The following MBOAT2 variants were observed in gnomAD, a reference collection of about 807,000 sequenced individuals.
MBOAT2 encodes membrane-bound glycerophospholipid O-acyltransferase 2.
MBOAT2 carries 28 observed loss-of-function variants against 63.4 expected under a neutral mutation model. The ratio of observed to expected loss-of-function variants is 0.44; its 90% CI spans 0.33 to 0.61. The LOEUF (loss-of-function observed/expected upper bound fraction) is 0.61. MBOAT2 is among the 20% of genes least tolerant of loss of function. The pLI is 0.03. For synonymous variants in MBOAT2, 211 were observed against 215.6 expected (o/e 0.98, Z 0.19); for missense variants, 470 against 605.8 (o/e 0.78, Z 2.35).
At chr2:8,968,875 T>C (rs1442514280) in intron 1 of MBOAT2, among the ~76,000 whole-genome samples, 2 of 152,056 alleles carry the variant, frequency 1.3e-5, no homozygotes, top group African/African-American at 4.8e-5. Context: ...AATATGGGAC[T>C]ATGTGAAAAG....
At chr2:8,960,775 CAA>C (rs1301466799) in intron 1 of MBOAT2, among the ~76,000 whole-genome samples, 1 of 152,122 alleles carries the variant, frequency 6.6e-6, no homozygotes, top group Non-Finnish European at 1.5e-5. Flanking sequence ...GACACTGAAT[CAA>C]AGTCTTTGGG....
chr2:8,873,255 A>G lies in MBOAT2; in HGVS notation c.736T>C (p.Phe246Leu). ...KLLVCGLSLL[F>L]HLTICTTLPV... ...AATGTTGTACAGATGGTCAAGTGAA[A>G]TAACAAGGACAGCCCACAAACTAAG... The change falls in exon 8 of 13, where the codon TTT becomes CTT. Residue 246 changes from phenylalanine (F) to leucine (L), a missense_variant. Phe to Leu is a conservative substitution (Grantham distance 22). Around this residue, in one of 3 missense-constraint regions of MBOAT2, gnomAD observed 376 missense variants for 503.8 expected, o/e 0.75. Coordinates refer to ENST00000305997, the MANE Select transcript of MBOAT2 (RefSeq NM_138799.4). 6.2e-7 allele frequency: 1 copy of G among 1,614,220 alleles called. No homozygotes were observed.
intron 3 of MBOAT2, among the ~76,000 whole-genome samples, chr2:8,920,328 T>C (rs1386693302): frequency 1.3e-5 from 2 of 152,228 alleles, no homozygotes; most frequent in African/African-American, 4.8e-5. Flanking sequence ...TTGGCACTTT[T>C]GTCAAAAATC....
chr2:8,963,011 G>C (rs1329494999), intron 1 of MBOAT2, among the ~76,000 whole-genome samples: 1 of 152,118 alleles, frequency 6.6e-6, no homozygotes, highest in Non-Finnish European at 1.5e-5. Context: ...GGGAGGCCAA[G>C]ACAGGAAGAT....
intron 3 of MBOAT2, among the ~76,000 whole-genome samples, chr2:8,917,045 A>G (rs1467373177): frequency 1.3e-5 from 2 of 152,250 alleles, no homozygotes; most frequent in African/African-American, 2.4e-5. Context: ...AGTATTTGCA[A>G]CAAATAGTGC....
At chr2:8,885,931 T>G (rs549408105) in intron 5 of MBOAT2, among the ~76,000 whole-genome samples, 1 of 152,324 alleles carries the variant, frequency 6.6e-6, no homozygotes, top group Admixed American at 6.5e-5. Context: ...AATGCTATCC[T>G]TAGAAAGGCC....
At chr2:8,991,123 T>G (rs1671894005) in intron 1 of MBOAT2, among the ~76,000 whole-genome samples, 1 of 152,098 alleles carries the variant, frequency 6.6e-6, no homozygotes, top group Non-Finnish European at 1.5e-5. Flanking sequence ...CACTACAGAT[T>G]AAACCTAAAC....
chr2:8,987,147 C>T (rs1671627089), intron 1 of MBOAT2, among the ~76,000 whole-genome samples: 1 of 152,164 alleles, frequency 6.6e-6, no homozygotes, highest in African/African-American at 2.4e-5. Context: ...AGAGGAAAAA[C>T]CGGATGTGGG....
chr2:8,911,487 T>C (rs1665702857), intron 3 of MBOAT2, among the ~76,000 whole-genome samples: 1 of 152,192 alleles, frequency 6.6e-6, no homozygotes, highest in Non-Finnish European at 1.5e-5. Context: ...GGTTGGGATG[T>C]TCGTCTCCTC....
chr2:8,884,061 A>T (rs1228041448), intron 5 of MBOAT2, among the ~76,000 whole-genome samples: 3 of 129,806 alleles, frequency 2.3e-5, no homozygotes, highest in South Asian at 2.4e-4. Context: ...TGTCTTTACT[A>T]AAAAAAAAAA....
At position 8,858,848 on chromosome 2, in the gene MBOAT2, A is replaced by G. The variant is rs753475039; in HGVS notation, c.1394T>C (p.Val465Ala). The change falls in exon 13 of 13, where the codon GTG becomes GCG. Residue 465 changes from valine to alanine, a missense_variant. Val to Ala is a moderately conservative substitution (Grantham distance 64). Transcript: ENST00000305997. ...LGILVLLLLP[V>A]KKTQRRKNTH... ...ATTCTTTCTTCTTTGAGTTTTTTTCACTGGCAACAACAATAATACTAAGAT... is the reference window on the plus strand; with the variant it reads ...ATTCTTTCTTCTTTGAGTTTTTTTCGCTGGCAACAACAATAATACTAAGAT... 6.2e-6 allele frequency: 10 copies of G among 1,613,596 alleles called. No homozygotes were observed. In the African/African-American group the frequency reaches 1.3e-4, roughly 22 times the overall value.
intron 4 of MBOAT2, among the ~76,000 whole-genome samples, chr2:8,903,255 C>T (rs2148579665): frequency 6.6e-6 from 1 of 152,326 alleles, no homozygotes; most frequent in East Asian, 1.9e-4. Flanking sequence ...CTCTCAAGAT[C>T]ACATGGTCTA....
intron 3 of MBOAT2, among the ~76,000 whole-genome samples, chr2:8,924,706 CTTTT>C (rs752934933): frequency 2.2e-5 from 3 of 139,418 alleles, no homozygotes; most frequent in African/African-American, 7.8e-5. Context: ...GGTTCAGCTG[CTTTT>C]TTTTTTTTTT....
chr2:9,002,718 A>T (rs889063980), intron 1 of MBOAT2, among the ~76,000 whole-genome samples: 1 of 151,270 alleles, frequency 6.6e-6, no homozygotes, highest in Non-Finnish European at 1.5e-5. Flanking sequence ...TTTTCCCATC[A>T]CAATGCTGTT....
At chr2:8,944,161 C>A (rs1668250222) in intron 2 of MBOAT2, among the ~76,000 whole-genome samples, 1 of 152,174 alleles carries the variant, frequency 6.6e-6, no homozygotes, top group South Asian at 2.1e-4. Flanking sequence ...CCGTGGCCAG[C>A]CCATGACATG....
At position 8,858,776 on chromosome 2, in the gene MBOAT2, C is replaced by T. The variant is rs146784263; in HGVS notation, c.1466G>A (p.Gly489Glu). The change falls in exon 13 of 13, where the codon GGA becomes GAA. Residue 489 changes from glycine to glutamate, a missense_variant. Around this residue, in one of 3 missense-constraint regions of MBOAT2, gnomAD observed 90 missense variants for 84.9 expected, o/e 1.06. Coordinates refer to ENST00000305997, the MANE Select transcript of MBOAT2 (RefSeq NM_138799.4). ...ACTGTTCTGTCCCAAAGAATTTTCTCCTTCATCAAACTTTTTGGATTGTGA... is the reference window on the plus strand; with the variant it reads ...ACTGTTCTGTCCCAAAGAATTTTCTTCTTCATCAAACTTTTTGGATTGTGA... ...QLSQSKKFDE[G>E]ENSLGQNSFS... 735 of 1,614,076 alleles carry T rather than the reference C, an allele frequency of 4.6e-4. 7 individuals are homozygous for T. In the South Asian group the frequency reaches 5.6e-3, roughly 12 times the overall value.
chr2:8,904,292 T>C (rs1434288009), intron 4 of MBOAT2, among the ~76,000 whole-genome samples: 1 of 151,084 alleles, frequency 6.6e-6, no homozygotes, highest in Non-Finnish European at 1.5e-5. Flanking sequence ...ATCTTTATAA[T>C]ACTGAAGGTT....
chr2:8,923,484 C>A (rs751751194), intron 3 of MBOAT2, among the ~76,000 whole-genome samples: 4 of 152,146 alleles, frequency 2.6e-5, no homozygotes, highest in Admixed American at 6.5e-5. Flanking sequence ...GTTCTCCAGG[C>A]CCCTGCCAAC....
intron 3 of MBOAT2, among the ~76,000 whole-genome samples, chr2:8,941,588 C>T (rs963898922): frequency 3.3e-5 from 5 of 151,344 alleles, no homozygotes; most frequent in Admixed American, 2.0e-4. Flanking sequence ...CGCTTAAACC[C>T]GGGAGGCAGA....
Sources: gnomAD v4.1 joint callset for allele counts (sites outside exome capture counted in the v4.1 genomes callset) on GRCh38, gnomAD v4.1.1 for gene constraint, gnomAD v4.1.1 regional missense constraint, MANE v1.5 for transcripts, NCBI Gene and HGNC (gene_info 2026-07-23, HGNC 2026-07-21) for gene names.